The following ANO3 variants were observed in gnomAD, a reference collection of about 807,000 sequenced individuals.
ANO3 encodes the protein anoctamin 3, also known as anoctamin-3.
Under a neutral mutation model 144.8 loss-of-function variants are expected in ANO3, and 99 were observed. The ratio of observed to expected loss-of-function variants is 0.68; its 90% confidence interval spans 0.58 to 0.81. The LOEUF (loss-of-function observed/expected upper bound fraction) is 0.81. ANO3 is among the 30% of genes least tolerant of loss of function. The pLI, the probability that ANO3 is intolerant of heterozygous loss-of-function variation, is 0.00. For missense variants in ANO3, 905 were observed against 1,202.2 expected, an observed-to-expected ratio of 0.75 and a Z score of 3.66; for synonymous variants, 414 against 392.6, an observed-to-expected ratio of 1.05 and a Z score of -0.64.
intron 4 of ANO3, among the ~76,000 whole-genome samples, chr11:26,471,595 A>C (rs372230581): frequency 2.1e-3 from 323 of 151,590 alleles, no homozygotes; most frequent in African/African-American, 7.4e-3. Context: ...CACAAAACAA[A>C]TAAAACTGCA....
chr11:26,471,907 T>G (rs554539612), intron 4 of ANO3, among the ~76,000 whole-genome samples: 11 of 152,124 alleles, frequency 7.2e-5, no homozygotes, highest in East Asian at 1.9e-4. Context: ...ATCACCAATT[T>G]GTTTTTCCCA....
At chr11:26,460,619 G>A (rs1445978463) in intron 3 of ANO3, among the ~76,000 whole-genome samples, 1 of 151,984 alleles carries the variant, frequency 6.6e-6, no homozygotes, top group Non-Finnish European at 1.5e-5. Flanking sequence ...TTTGGCAAAT[G>A]TTCAAAATTG....
intron 1 of ANO3, among the ~76,000 whole-genome samples, chr11:26,429,819 G>C (rs1477016346): frequency 6.6e-6 from 1 of 152,154 alleles, no homozygotes; most frequent in African/African-American, 2.4e-5. Flanking sequence ...AAATAAATCA[G>C]TATCATTTAG....
rs566499739 is a variant in ANO3, at chr11:26,417,058, A to T, written c.47-24860A>T. ...AGAGTTTATAATCTCTTTAGTTAAC[A>T]TACTATTGGATTCATTCTCTAGAAC... On this transcript the variant is annotated intron_variant, in intron 1 of 26. Transcript: ENST00000256737. Among the ~76,000 whole-genome samples the T allele has an allele frequency of 7.9e-5, 12 of 152,228 alleles. No individual in the cohort carries two copies. In the South Asian group the frequency reaches 2.3e-3, roughly 29 times the overall value.
chr11:26,531,487 C>A, intron 8 of ANO3, 151 bp downstream of exon 8: 2 of 894,358 alleles, frequency 2.2e-6, no homozygotes, highest in Non-Finnish European at 3.3e-6. Flanking sequence ...TTATAAACAA[C>A]ACTAAGTGAA....
chr11:26,296,719 A>C (rs1352203680), intron 1 of ANO3, among the ~76,000 whole-genome samples: 1 of 152,140 alleles, frequency 6.6e-6, no homozygotes, highest in East Asian at 1.9e-4. Flanking sequence ...AATAACAGAC[A>C]CTGATTTGAA....
chr11:26,604,898 AC>A (rs1219236095), intron 17 of ANO3, among the ~76,000 whole-genome samples: 5 of 152,106 alleles, frequency 3.3e-5, no homozygotes, highest in Admixed American at 6.6e-5. Flanking sequence ...CTATTCGAAT[AC>A]CCTTTGTTTC....
chr11:26,409,395 G>A, intron 1 of ANO3, among the ~76,000 whole-genome samples: 1 of 151,876 alleles, frequency 6.6e-6, no homozygotes, highest in East Asian at 1.9e-4. Flanking sequence ...ATGTTTTCAT[G>A]TAAATGAAAA....
chr11:26,468,765 C>G (rs1293609121), intron 4 of ANO3, among the ~76,000 whole-genome samples: 1 of 151,934 alleles, frequency 6.6e-6, no homozygotes, highest in African/African-American at 2.4e-5. Context: ...AGATGAATGA[C>G]TAACTTGGCT....
intron 1 of ANO3, among the ~76,000 whole-genome samples, chr11:26,378,894 G>GT (rs5790575): frequency 0.27 from 39,331 of 146,706 alleles, 5,813 homozygotes; most frequent in African/African-American, 0.41. Context: ...AGGAGGCTAA[G>GT]TTTTTTTTTA....
At chr11:26,493,574 TG>T (rs1405985316) in intron 4 of ANO3, among the ~76,000 whole-genome samples, 4 of 152,236 alleles carry the variant, frequency 2.6e-5, no homozygotes, top group Non-Finnish European at 1.5e-5. Context: ...TCCTTCCTTA[TG>T]TTTTTATTTC....
chr11:26,265,871 C>A (rs1039256672), intron 1 of ANO3, among the ~76,000 whole-genome samples: 2 of 152,120 alleles, frequency 1.3e-5, no homozygotes, highest in Non-Finnish European at 2.9e-5. Flanking sequence ...CTAGAAGTGA[C>A]ATGGTTACAA....
chr11:26,412,679 A>G (rs1222344483), intron 1 of ANO3, among the ~76,000 whole-genome samples: 1 of 151,968 alleles, frequency 6.6e-6, no homozygotes, highest in Non-Finnish European at 1.5e-5. Context: ...TACAGTGGTA[A>G]AGATACAGCT....
chr11:26,449,585 T>C (rs1394444019), intron 3 of ANO3, among the ~76,000 whole-genome samples: 1 of 152,102 alleles, frequency 6.6e-6, no homozygotes, highest in Non-Finnish European at 1.5e-5. Flanking sequence ...TGTGATGTCA[T>C]TTATCACTGT....
At chr11:26,556,575 G>A (rs933859822) in intron 13 of ANO3, among the ~76,000 whole-genome samples, 1 of 152,226 alleles carries the variant, frequency 6.6e-6, no homozygotes, top group Non-Finnish European at 1.5e-5. Flanking sequence ...TTGGTCAAGG[G>A]TGAGGCCTCA....
intron 14 of ANO3, among the ~76,000 whole-genome samples, chr11:26,588,306 G>C (rs921460907): frequency 2.0e-5 from 3 of 146,392 alleles, no homozygotes; most frequent in African/African-American, 7.6e-5. Flanking sequence ...ATTTCAATTA[G>C]TGTTTTGCAT....
At chr11:26,574,554 T>A (rs1233215839) in intron 14 of ANO3, among the ~76,000 whole-genome samples, 1 of 152,176 alleles carries the variant, frequency 6.6e-6, no homozygotes, top group African/African-American at 2.4e-5. Context: ...TGAATAATAG[T>A]AAAATAAATT....
At chr11:26,239,938 G>A (rs2133810067) in intron 1 of ANO3, among the ~76,000 whole-genome samples, 1 of 152,284 alleles carries the variant, frequency 6.6e-6, no homozygotes, top group African/African-American at 2.4e-5. Flanking sequence ...TGTCTAAGTG[G>A]AGGAGAAGAG....
Position 26,525,440 on chromosome 11 carries a change from A to T in ANO3, c.693-195A>T, listed in dbSNP as rs383137. ...TTATTAGAGTGTCTTTGTTATTAGT[A>T]TCTTAGATTCTGAAATTAAAACAAT... On this transcript the variant is annotated intron_variant, in intron 6 of 26. Transcript: ENST00000256737. Among the ~76,000 whole-genome samples, 6 of 152,010 alleles carry T rather than the reference A, an allele frequency of 3.9e-5. No individual in the cohort carries two copies. Among genetic ancestry groups the T allele is most frequent in the African/African-American group, 1.4e-4 (6 of 41,476 alleles).
Sources: gnomAD v4.1 joint callset for allele counts (sites outside exome capture counted in the v4.1 genomes callset) on GRCh38, gnomAD v4.1.1 for gene constraint, MANE v1.5 for transcripts, NCBI Gene and HGNC (gene_info 2026-07-23, HGNC 2026-07-21) for gene names.